Variants in LINGO2 observed in about 807,000 individuals in gnomAD.
LINGO2 encodes leucine rich repeat and Ig domain containing 2, also known as leucine-rich repeat and immunoglobulin-like domain-containing nogo receptor-interacting protein 2.
A neutral mutation model predicts 30.6 loss-of-function variants in LINGO2; 14 were observed. That is an observed-to-expected ratio of 0.46 (90% CI 0.30 to 0.72). LINGO2 has a LOEUF of 0.72. Among genes scored for constraint, LINGO2 ranks in the 30% least tolerant of loss-of-function variants. LINGO2 has a pLI of 0.07. For synonymous variants in LINGO2, 317 were observed against 288.5 expected, an observed-to-expected ratio of 1.10 and a Z score of -1.00; for missense variants, 729 against 751.7, an observed-to-expected ratio of 0.97 and a Z score of 0.35.
chr9:28,669,993 C>T (rs1254835430), intron 1 of LINGO2, among the ~76,000 whole-genome samples: 1 of 151,910 alleles, frequency 6.6e-6, no homozygotes. Context: ...ATAAACCCAG[C>T]AGTGGATTGT....
chr9:28,769,333 A>G, the LINGO2 span, among the ~76,000 whole-genome samples: 1 of 149,704 alleles, frequency 6.7e-6, no homozygotes, highest in Non-Finnish European at 1.5e-5. Context: ...TATCCCCTTA[A>G]TTCCTGCATG....
chr9:29,044,218 G>A, the LINGO2 span, among the ~76,000 whole-genome samples: 2 of 151,842 alleles, frequency 1.3e-5, no homozygotes, highest in African/African-American at 4.8e-5. Context: ...CACAATGTGA[G>A]TGTTATGTAA....
chr9:28,224,809 G>T (rs1326728186), intron 4 of LINGO2, among the ~76,000 whole-genome samples: 1 of 152,044 alleles, frequency 6.6e-6, no homozygotes, highest in African/African-American at 2.4e-5. Context: ...CACCCTAAAT[G>T]GCGAAAGCAG....
intron 4 of LINGO2, among the ~76,000 whole-genome samples, chr9:28,014,664 T>C (rs1337511797): frequency 6.6e-6 from 1 of 152,220 alleles, no homozygotes; most frequent in Non-Finnish European, 1.5e-5. Context: ...CTAGTTTTTA[T>C]GTAGACAAGT....
At chr9:29,129,950 A>T in the LINGO2 span, among the ~76,000 whole-genome samples, 1 of 152,144 alleles carries the variant, frequency 6.6e-6, no homozygotes, top group Non-Finnish European at 1.5e-5. Flanking sequence ...GTAAGTCATG[A>T]AAAGGATTTG....
At chr9:28,291,075 T>A (rs895691370) in intron 4 of LINGO2, among the ~76,000 whole-genome samples, 1 of 152,230 alleles carries the variant, frequency 6.6e-6, no homozygotes, top group Admixed American at 6.5e-5. Flanking sequence ...ACACTTTTGA[T>A]AATACATCCT....
At chr9:28,644,464 T>C (rs1316025011) in intron 1 of LINGO2, among the ~76,000 whole-genome samples, 1 of 151,856 alleles carries the variant, frequency 6.6e-6, no homozygotes, top group Non-Finnish European at 1.5e-5. Context: ...TTTGTGAAAT[T>C]TAAAAACCAA....
At chr9:28,790,325 C>CTTTCTTTTTTTTTTTTTTTTTTTTTTTTT in the LINGO2 span, among the ~76,000 whole-genome samples, 14 of 106,298 alleles carry the variant, frequency 1.3e-4, no homozygotes, top group African/African-American at 5.4e-4. Context: ...TCTTTTCTTT[C>CTTTCTTTTTTTTTTTTTTTTTTTTTTTTT]TTTTTTTTTT....
At chr9:28,501,692 C>A (rs1819893309) in intron 1 of LINGO2, among the ~76,000 whole-genome samples, 1 of 152,110 alleles carries the variant, frequency 6.6e-6, no homozygotes, top group African/African-American at 2.4e-5. Flanking sequence ...AAGAAACACA[C>A]ACACACCCCT....
chr9:28,437,201 A>T (rs972328288), intron 2 of LINGO2, among the ~76,000 whole-genome samples: 4 of 152,148 alleles, frequency 2.6e-5, no homozygotes, highest in African/African-American at 9.7e-5. Flanking sequence ...ATAAGACAAA[A>T]AGGCAGAGGA....
the LINGO2 span, among the ~76,000 whole-genome samples, chr9:29,129,239 G>T: frequency 2.0e-5 from 3 of 152,064 alleles, no homozygotes; most frequent in South Asian, 6.2e-4. Flanking sequence ...ATGGTCACTG[G>T]CTATTTAAAA....
the LINGO2 span, among the ~76,000 whole-genome samples, chr9:29,086,223 T>C: frequency 6.6e-6 from 1 of 152,160 alleles, no homozygotes; most frequent in Non-Finnish European, 1.5e-5. Context: ...TGAGGACCTC[T>C]TGTGAGGGAT....
At chr9:28,780,814 T>A in the LINGO2 span, among the ~76,000 whole-genome samples, 3 of 150,970 alleles carry the variant, frequency 2.0e-5, no homozygotes, top group Non-Finnish European at 4.4e-5. Flanking sequence ...AATTTTCATA[T>A]ATGATCTTGG....
At chr9:28,981,695 A>G in the LINGO2 span, among the ~76,000 whole-genome samples, 981 of 152,244 alleles carry the variant, frequency 6.4e-3, 18 homozygotes, top group African/African-American at 0.022. Flanking sequence ...CATCTCTACC[A>G]CATATCCACT....
chr9:29,022,838 A>G, the LINGO2 span, among the ~76,000 whole-genome samples: 1 of 152,108 alleles, frequency 6.6e-6, no homozygotes, highest in Non-Finnish European at 1.5e-5. Flanking sequence ...CTCTCTTCGT[A>G]CATTCCCTTC....
the LINGO2 span, among the ~76,000 whole-genome samples, chr9:28,868,838 T>G: frequency 4.6e-5 from 7 of 152,110 alleles, no homozygotes; most frequent in Non-Finnish European, 8.8e-5. Context: ...ACTGTGGTTT[T>G]GCAGATGAAG....
At chr9:28,191,835 T>C (rs1819833227) in intron 4 of LINGO2, among the ~76,000 whole-genome samples, 1 of 152,156 alleles carries the variant, frequency 6.6e-6, no homozygotes, top group Non-Finnish European at 1.5e-5. Context: ...TTCTTCTGAT[T>C]CACCAGCTAC....
At chr9:28,953,609 T>C in the LINGO2 span, among the ~76,000 whole-genome samples, 13 of 152,074 alleles carry the variant, frequency 8.5e-5, no homozygotes, top group Non-Finnish European at 1.6e-4. Flanking sequence ...TAATAGAAAA[T>C]AGCCTTATTC....
chr9:27,999,734 G>A (rs1471667123), intron 5 of LINGO2, among the ~76,000 whole-genome samples: 2 of 152,068 alleles, frequency 1.3e-5, no homozygotes, highest in African/African-American at 4.8e-5. Context: ...ACTGTGCAAA[G>A]GACTTCTATA....
Sources: gnomAD v4.1 joint callset for allele counts (sites outside exome capture counted in the v4.1 genomes callset) on GRCh38, gnomAD v4.1.1 for gene constraint, MANE v1.5 for transcripts, NCBI Gene and HGNC (gene_info 2026-07-23, HGNC 2026-07-21) for gene names.